SYNJ2: variants seen among roughly 807,000 people sequenced by gnomAD.
The protein encoded by SYNJ2 is polyphosphatidylinositol phosphatase SYNJ2.
In SYNJ2, 116 loss-of-function variants were observed where a neutral mutation model predicts 141.3. The ratio of observed to expected loss-of-function variants is 0.82; its 90% CI spans 0.71 to 0.96. The LOEUF is 0.96. Among genes scored for constraint, SYNJ2 ranks in the 40% least tolerant of loss-of-function variants. SYNJ2 has a pLI of 0.00. For synonymous variants in SYNJ2, 745 were observed against 777.7 expected (o/e 0.96, Z 0.70); for missense variants, 1,873 against 1,934.8 (o/e 0.97, Z 0.60).
Position 158,096,096 on chromosome 6 carries a change from T to G in SYNJ2, c.4223T>G (p.Leu1408Arg), listed in dbSNP as rs1183009466. Residue 1408 changes from leucine (L) to arginine (R), a missense_variant, in exon 27 of 27, where the codon CTT (leucine) becomes CGT (arginine). Coordinates refer to ENST00000355585, the MANE Select transcript of SYNJ2 (RefSeq NM_003898.4). The part of the protein sequence containing the change: ...KAMKPEAAPL[L>R]GDYQDPFWNL... ...ATGAAGCCAGAGGCAGCCCCACTTCTTGGTGATTATCAGGACCCCTTCTGG... is the reference window on the plus strand; with the variant it reads ...ATGAAGCCAGAGGCAGCCCCACTTCGTGGTGATTATCAGGACCCCTTCTGG... The G allele has an allele frequency of 1.9e-6, 3 of 1,614,122 alleles. No individual in the cohort carries two copies. In the African/African-American group the frequency reaches 4.0e-5, roughly 22 times the overall value.
rs976976203 is a variant in SYNJ2, at chr6:157,982,258, A to G, written c.127+170A>G. Among the ~76,000 whole-genome samples, 1 of 151,688 alleles carries G rather than the reference A, an allele frequency of 6.6e-6. No individual in the cohort carries two copies. Among genetic ancestry groups the G allele is most frequent in the Non-Finnish European group, 1.5e-5 (1 of 67,886 alleles). ...CTGTTTGAATGAAGTGGGGCTGGGGACTCGAGAGAGCACTCTGGCTGGGCC... is the reference window on the plus strand; with the variant it reads ...CTGTTTGAATGAAGTGGGGCTGGGGGCTCGAGAGAGCACTCTGGCTGGGCC... On this transcript the variant is annotated intron_variant, in intron 1 of 26. Transcript: ENST00000355585. This position sits in a 1 kb window ranked among gnomAD's most constrained non-coding sequence, Gnocchi z 4.0.
chr6:158,083,272 G>A (rs1160993616), intron 20 of SYNJ2, among the ~76,000 whole-genome samples, 157 bp from the exon 21 acceptor site: 1 of 152,102 alleles, frequency 6.6e-6, no homozygotes, highest in Non-Finnish European at 1.5e-5. Flanking sequence ...TGAGAGCTAT[G>A]CTGAGCCTGC....
chr6:158,003,567 C>G (rs186883639), intron 1 of SYNJ2, among the ~76,000 whole-genome samples: 224 of 152,354 alleles, frequency 1.5e-3, no homozygotes, highest in Non-Finnish European at 2.7e-3. Context: ...CAAATGCTAC[C>G]TCAGTCTCGG....
At chr6:157,987,464 C>T (rs894130855) in intron 1 of SYNJ2, among the ~76,000 whole-genome samples, 7 of 152,010 alleles carry the variant, frequency 4.6e-5, no homozygotes, top group African/African-American at 1.2e-4. Context: ...GCAGTGGCAC[C>T]GATCTCGGCT....
chr6:158,026,450 A>G (rs1438101263), intron 2 of SYNJ2, among the ~76,000 whole-genome samples: 3 of 151,986 alleles, frequency 2.0e-5, no homozygotes, highest in Non-Finnish European at 4.4e-5. Flanking sequence ...GCGCCTGTAC[A>G]GCTCCCCTGC....
At chr6:158,033,173 A>G (rs1042061267) in intron 3 of SYNJ2, among the ~76,000 whole-genome samples, 9 of 152,172 alleles carry the variant, frequency 5.9e-5, no homozygotes, top group Admixed American at 2.6e-4. Flanking sequence ...CTTTGCTTCC[A>G]TTTAGCGACA....
intron 25 of SYNJ2, among the ~76,000 whole-genome samples, chr6:158,091,099 C>A (rs1015917057): frequency 6.6e-6 from 1 of 151,314 alleles, no homozygotes; most frequent in Non-Finnish European, 1.5e-5. Flanking sequence ...GGGTGGATCA[C>A]GAGGACAGGA....
intron 1 of SYNJ2, among the ~76,000 whole-genome samples, chr6:158,010,961 TGTG>T (rs1272027104): frequency 7.0e-6 from 1 of 143,076 alleles, no homozygotes; most frequent in Non-Finnish European, 1.5e-5. Flanking sequence ...CGACAGGACA[TGTG>T]GGGAGGGGAT....
chr6:157,989,312 C>T (rs996092984), intron 1 of SYNJ2, among the ~76,000 whole-genome samples: 2 of 151,718 alleles, frequency 1.3e-5, no homozygotes, highest in Admixed American at 1.3e-4. Context: ...CTCCATTTTA[C>T]ACTTGGGGAA....
intron 7 of SYNJ2, among the ~76,000 whole-genome samples, chr6:158,059,704 G>A (rs1383979776): frequency 6.6e-6 from 1 of 152,090 alleles, no homozygotes; most frequent in Non-Finnish European, 1.5e-5. Flanking sequence ...ACAGGCACTT[G>A]CCACCACGCC....
rs1292601943 is a variant in SYNJ2, at chr6:158,084,113, A to G, written c.3147A>G (p.Ala1049=). The change falls in exon 22 of 27, where the codon GCA becomes GCG. Residue 1049 remains alanine, a synonymous_variant. Transcript: ENST00000355585. This position sits in a 1 kb window ranked among gnomAD's most constrained non-coding sequence, Gnocchi z 5.0. Reference sequence around the variant, plus strand: ...TCTCTGATGTCCCCGGCCCCACAGCACTGGCTCCTCCCAGCAAGTCACCTG... The same window carrying G: ...TCTCTGATGTCCCCGGCCCCACAGCGCTGGCTCCTCCCAGCAAGTCACCTG... The part of the protein sequence containing the change: ...DDLSDVPGPT[A]LAPPSKSPAL... 1 of 1,614,134 alleles carries G rather than the reference A, an allele frequency of 6.2e-7. No individual in the cohort carries two copies. Among genetic ancestry groups the G allele is most frequent in the Admixed American group, 1.7e-5 (1 of 60,020 alleles).
At chr6:157,992,409 T>C (rs1290121385) in intron 1 of SYNJ2, among the ~76,000 whole-genome samples, 2 of 149,568 alleles carry the variant, frequency 1.3e-5, no homozygotes, top group African/African-American at 4.9e-5. Flanking sequence ...TTCTTTTTTT[T>C]TTTTTTTTTT....
At chr6:158,076,027 C>T (rs1459046281) in intron 16 of SYNJ2, among the ~76,000 whole-genome samples, 1 of 152,004 alleles carries the variant, frequency 6.6e-6, no homozygotes, top group Non-Finnish European at 1.5e-5. Flanking sequence ...TTTGTCTCTA[C>T]AAAAACTAAA....
At chr6:158,033,713 G>A in intron 4 of SYNJ2, 33 bp downstream of exon 4, 2 of 1,577,846 alleles carry the variant, frequency 1.3e-6, no homozygotes, top group South Asian at 2.2e-5. Context: ...GGCACCAAAT[G>A]GTTCCGAGTG....
chr6:158,069,223 C>G (rs1781759358), intron 13 of SYNJ2, among the ~76,000 whole-genome samples: 1 of 152,086 alleles, frequency 6.6e-6, no homozygotes, highest in Non-Finnish European at 1.5e-5. Flanking sequence ...CCACCCCCTG[C>G]TGAACTGGCC....
At chr6:157,984,361 G>A (rs1330793131) in intron 1 of SYNJ2, among the ~76,000 whole-genome samples, 1 of 152,168 alleles carries the variant, frequency 6.6e-6, no homozygotes, top group Admixed American at 6.6e-5. Context: ...CAAAGGGCTA[G>A]CTAGCTGTTT....
chr6:158,096,927 G>T lies in SYNJ2; in HGVS notation c.*563G>T. On this transcript the variant is annotated 3_prime_UTR_variant, in exon 27 of 27. Coordinates refer to ENST00000355585, the MANE Select transcript of SYNJ2 (RefSeq NM_003898.4). Reference sequence around the variant, plus strand: ...ATGACTAGACTGTACATTCCCATGAGCCTTCATGTTTAAGTGTGTACATGT... The same window carrying T: ...ATGACTAGACTGTACATTCCCATGATCCTTCATGTTTAAGTGTGTACATGT... 6.5e-6 allele frequency: 1 copy of T among 153,486 alleles called. No individual in the cohort carries two copies. The highest frequency in any genetic ancestry group is 1.5e-5 in the Non-Finnish European group (1 of 68,684). The allele number at this position is 153,486 out of a possible 1,614,324, so 9.5% of individuals were successfully genotyped here.
In SYNJ2 at chr6:158,093,195, G is replaced by A. The variant is rs1022180597; in HGVS notation, c.3744+91G>A. On this transcript the variant is annotated intron_variant, in intron 26 of 26. Transcript: ENST00000355585. The stretch of plus-strand genomic sequence containing the variant: ...TGTGGCCTGTAATCCCAGCACATTG[G>A]GAAGCCGAGGCAAGCGGATTACGAG... 7 of 1,387,512 alleles carry A rather than the reference G, an allele frequency of 5.0e-6. No individual in the cohort carries two copies. The African/African-American group carries it at 1.0e-4, about 21-fold the overall frequency. 86.0% of individuals were successfully genotyped at this position (1,387,512 alleles called of 1,614,324 possible).
At chr6:157,994,404 A>G (rs553982171) in intron 1 of SYNJ2, among the ~76,000 whole-genome samples, 10 of 152,316 alleles carry the variant, frequency 6.6e-5, no homozygotes, top group Admixed American at 5.2e-4. Flanking sequence ...TGTTTCAACA[A>G]TGGAGGTTGT....
Sources: gnomAD v4.1 joint callset for allele counts (sites outside exome capture counted in the v4.1 genomes callset) on GRCh38, gnomAD v4.1.1 for gene constraint, Gnocchi (gnomAD v3.1) non-coding constraint, MANE v1.5 for transcripts, NCBI Gene and HGNC (gene_info 2026-07-23, HGNC 2026-07-21) for gene names.